CUL1: variants seen among roughly 807,000 people sequenced by gnomAD.
CUL1 encodes cullin-1.
In CUL1, 24 loss-of-function variants were observed where a neutral mutation model predicts 118.0. The observed-to-expected ratio is 0.20, with a 90% CI of 0.15 to 0.29. CUL1 has a LOEUF of 0.29. Ranked by LOEUF, CUL1 falls within the 10% of genes least tolerant of loss-of-function variation. The pLI is 1.00. For synonymous variants in CUL1, 332 were observed against 340.4 expected (o/e 0.98, Z 0.27); for missense variants, 361 against 933.8 (o/e 0.39, Z 7.99).
intron 9 of CUL1, among the ~76,000 whole-genome samples, chr7:148,776,306 G>GGTTTTTTTTTT (rs1563166099): frequency 2.9e-5 from 1 of 33,960 alleles, no homozygotes; most frequent in African/African-American, 1.4e-4. Context: ...ACATAACCAG[G>GGTTTTTTTTTT]CTTTTTTTTT....
At chr7:148,748,945 CA>C (rs1375386338) in intron 2 of CUL1, among the ~76,000 whole-genome samples, 1 of 152,172 alleles carries the variant, frequency 6.6e-6, no homozygotes. Flanking sequence ...AATATATACA[CA>C]TCAGATTGAT....
intron 9 of CUL1, among the ~76,000 whole-genome samples, chr7:148,778,712 G>A (rs2129462020): frequency 6.6e-6 from 1 of 152,280 alleles, no homozygotes; most frequent in Non-Finnish European, 1.5e-5. Context: ...CCTGTCCTCA[G>A]GGAACTCTCC....
upstream of CUL1, chr7:148,698,825 AGGC>A (rs781357454): frequency 2.4e-4 from 37 of 153,598 alleles, no homozygotes; most frequent in South Asian, 5.5e-4. Context: ...TGCGTGGTGC[AGGC>A]GGCGGCGGCG....
chr7:148,781,685 A>T (rs1218665667), intron 9 of CUL1, among the ~76,000 whole-genome samples: 3 of 152,194 alleles, frequency 2.0e-5, no homozygotes, highest in Non-Finnish European at 4.4e-5. Context: ...CACCAATGAC[A>T]AGTCGCAAGC....
chr7:148,706,430 A>G (rs1208506028), intron 1 of CUL1, among the ~76,000 whole-genome samples: 7 of 152,094 alleles, frequency 4.6e-5, no homozygotes. Flanking sequence ...ACAGCATGGG[A>G]ATATATTACA....
At chr7:148,776,391 A>G (rs932287302) in intron 9 of CUL1, among the ~76,000 whole-genome samples, 11 of 126,166 alleles carry the variant, frequency 8.7e-5, no homozygotes, top group Non-Finnish European at 1.5e-4. Context: ...ATCTCGGCTC[A>G]CTGCAACCTC....
At chr7:148,716,365 T>A (rs1250040362) in intron 1 of CUL1, among the ~76,000 whole-genome samples, 4 of 152,222 alleles carry the variant, frequency 2.6e-5, no homozygotes, top group African/African-American at 9.6e-5. Flanking sequence ...ATCTTTGTGA[T>A]TTCTTGCTGA....
intron 2 of CUL1, among the ~76,000 whole-genome samples, chr7:148,741,865 C>T (rs1383889304): frequency 2.0e-5 from 3 of 152,276 alleles, no homozygotes; most frequent in Non-Finnish European, 4.4e-5. Flanking sequence ...TGAGCCACCA[C>T]ATCCGGCTCA....
intron 6 of CUL1, among the ~76,000 whole-genome samples, 159 bp downstream of exon 6, chr7:148,759,797 A>G (rs1398162443): frequency 6.6e-6 from 1 of 152,176 alleles, no homozygotes; most frequent in Non-Finnish European, 1.5e-5. Flanking sequence ...GTGTGACTTT[A>G]TTTGTTTTTA....
chr7:148,782,716 C>T (rs1800681175), intron 9 of CUL1, among the ~76,000 whole-genome samples: 1 of 152,140 alleles, frequency 6.6e-6, no homozygotes, highest in Admixed American at 6.5e-5. Flanking sequence ...CTTACTGATA[C>T]TCATTGTTAT....
intron 14 of CUL1, 35 bp from the exon 15 acceptor site, chr7:148,789,715 A>G: frequency 6.4e-7 from 1 of 1,563,106 alleles, no homozygotes; most frequent in Non-Finnish European, 8.8e-7. Flanking sequence ...AATGTATTCC[A>G]GAATGTTCAC....
chr7:148,773,753 T>C (rs1800302212), intron 9 of CUL1, among the ~76,000 whole-genome samples: 1 of 152,234 alleles, frequency 6.6e-6, no homozygotes, highest in South Asian at 2.1e-4. Context: ...GTCCTTCTTT[T>C]TTCTACCTGT....
chr7:148,699,094 C>G (rs1797621378), intron 1 of CUL1, 65 bp downstream of exon 1: 1 of 154,516 alleles, frequency 6.5e-6, no homozygotes, highest in South Asian at 1.8e-4. Flanking sequence ...CAGGCCCGGC[C>G]CCGAGCCGCG....
chr7:148,789,383 A>G (rs1800933667), intron 14 of CUL1, among the ~76,000 whole-genome samples: 1 of 152,058 alleles, frequency 6.6e-6, no homozygotes, highest in Non-Finnish European at 1.5e-5. Context: ...GTGAGTTTGC[A>G]TGAGTCTGGG....
chr7:148,787,279 G>T lies in CUL1; in HGVS notation c.1479+159G>T, dbSNP rs1014540255. 6.6e-6 allele frequency among the ~76,000 whole-genome samples: 1 copy of T among 152,066 alleles called. No homozygotes were observed. Among genetic ancestry groups the T allele is most frequent in the African/African-American group, 2.4e-5 (1 of 41,414 alleles). On this transcript the variant is annotated intron_variant, in intron 13 of 21. Transcript: ENST00000325222. This position sits in a 1 kb window ranked among gnomAD's most constrained non-coding sequence, Gnocchi z 5.5. ...AGATCGAGACCATCCTGGCTAATAT[G>T]GAGAAACCCCATCTCTGCTAAAAAT...
At chr7:148,725,221 TCACACAC>T (rs1798535488) in intron 1 of CUL1, among the ~76,000 whole-genome samples, 1 of 145,388 alleles carries the variant, frequency 6.9e-6, no homozygotes, top group African/African-American at 2.6e-5. Flanking sequence ...ACGCGCGCGC[TCACACAC>T]ACACACACAC....
rs997347716 is a variant in CUL1 at position 148,792,766 on chromosome 7, C to T, written c.1847C>T (p.Thr616Met). Residue 616 changes from threonine (T) to methionine (M), a missense_variant, in exon 17 of 22, where the codon ACG becomes ATG. Coordinates refer to ENST00000325222, the MANE Select transcript of CUL1 (RefSeq NM_003592.3). ...ATGGCTATCCTGCTTCAGTACAACA[C>T]GGAAGATGCCTACACTGTGCAGCAG... ...FQMAILLQYN[T>M]EDAYTVQQLT... 10 of 1,613,338 alleles carry T rather than the reference C, an allele frequency of 6.2e-6. No individual in the cohort carries two copies. Among genetic ancestry groups the T allele is most frequent in the African/African-American group, 2.7e-5 (2 of 74,922 alleles).
chr7:148,709,088 T>C (rs2129458980), intron 1 of CUL1, among the ~76,000 whole-genome samples: 1 of 152,286 alleles, frequency 6.6e-6, no homozygotes, highest in South Asian at 2.1e-4. Flanking sequence ...GTGATTCCCT[T>C]AATAGTTATA....
In CUL1 at chr7:148,796,432, G is replaced by A. The variant is rs190836902; in HGVS notation, c.1900-1380G>A. 3.7e-3 allele frequency among the ~76,000 whole-genome samples: 567 copies of A among 152,302 alleles called. 4 individuals are homozygous for A. The highest frequency in any genetic ancestry group is 6.2e-3 in the Non-Finnish European group (423 of 68,032). ...TATTGCTCCATTGTTTTCTCAAGAT[G>A]TTCGTTTGGTTTTCGTGTCTGGCTA... On this transcript the variant is annotated intron_variant, in intron 17 of 21. Transcript: ENST00000325222.
Sources: allele counts gnomAD v4.1 joint callset (sites outside exome capture counted in the v4.1 genomes callset), GRCh38; gene constraint gnomAD v4.1.1; non-coding constraint Gnocchi (gnomAD v3.1); transcripts MANE v1.5; gene names NCBI Gene and HGNC (gene_info 2026-07-23, HGNC 2026-07-21).